Variants in AGPAT3 observed in about 807,000 individuals in gnomAD.
AGPAT3 encodes the protein 1-acyl-sn-glycerol-3-phosphate acyltransferase gamma.
AGPAT3 carries 5 observed loss-of-function variants against 47.3 expected under a neutral mutation model. The ratio of observed to expected loss-of-function variants is 0.11; its 90% CI spans 0.06 to 0.22. The LOEUF (loss-of-function observed/expected upper bound fraction) is 0.22. AGPAT3 is among the 10% of genes least tolerant of loss of function. The pLI, the probability that AGPAT3 is intolerant of heterozygous loss-of-function variation, is 1.00. For missense variants in AGPAT3, 315 were observed against 493.0 expected (o/e 0.64, Z 3.42); for synonymous variants, 212 against 208.3 (o/e 1.02, Z -0.15).
chr21:43,944,654 G>T (rs1259143863), intron 2 of AGPAT3, among the ~76,000 whole-genome samples: 1 of 152,248 alleles, frequency 6.6e-6, no homozygotes, highest in Non-Finnish European at 1.5e-5. Context: ...CAGGCAGGGG[G>T]ACGGCTGTGC....
rs2087297562 is a variant in AGPAT3 at position 43,932,781 on chromosome 21, G to C, written c.-48-26853G>C. Among the ~76,000 whole-genome samples, 1 of 152,206 alleles carries C rather than the reference G, an allele frequency of 6.6e-6. No individual in the cohort carries two copies. The highest frequency in any genetic ancestry group is 2.1e-4 in the South Asian group (1 of 4,828). On this transcript the variant is annotated intron_variant, in intron 2 of 9. Transcript: ENST00000291572. This position sits in a 1 kb window ranked among gnomAD's most constrained non-coding sequence, Gnocchi z 5.2. ...TTCTTTTGCTTCAGCCTCCCGAGTAGCTGGGATTACAGACGCCCGCCACCA... is the reference window on the plus strand; with the variant it reads ...TTCTTTTGCTTCAGCCTCCCGAGTACCTGGGATTACAGACGCCCGCCACCA...
intron 2 of AGPAT3, among the ~76,000 whole-genome samples, chr21:43,907,313 G>T (rs2146061489): frequency 6.6e-6 from 1 of 152,104 alleles, no homozygotes; most frequent in East Asian, 1.9e-4. Context: ...TTCGTTTCTT[G>T]ATCTGGGTGC....
intron 2 of AGPAT3, among the ~76,000 whole-genome samples, chr21:43,944,291 C>T (rs932297197): frequency 2.0e-5 from 3 of 152,256 alleles, no homozygotes; most frequent in African/African-American, 4.8e-5. Context: ...GAGTGGTTCC[C>T]GGGCTGGCCC....
chr21:43,883,975 T>C (rs2085909592), intron 1 of AGPAT3, among the ~76,000 whole-genome samples: 1 of 151,858 alleles, frequency 6.6e-6, no homozygotes, highest in Non-Finnish European at 1.5e-5. Context: ...AGTAATCCGC[T>C]TGCCTCAGCC....
intron 1 of AGPAT3, among the ~76,000 whole-genome samples, chr21:43,896,491 G>C (rs1207597502): frequency 3.9e-5 from 6 of 152,198 alleles, no homozygotes; most frequent in Non-Finnish European, 8.8e-5. Flanking sequence ...CTATACTAAG[G>C]GTCAGCAAAC....
At position 43,985,256 on chromosome 21, in the gene AGPAT3, G is replaced by A. The variant is rs1266493215; in HGVS notation, c.*2864G>A. 2.2e-6 allele frequency: 1 copy of A among 456,138 alleles called. No individual in the cohort carries two copies. The highest frequency in any genetic ancestry group is 4.4e-6 in the Non-Finnish European group (1 of 226,918). The allele number at this position is 456,138 out of a possible 1,614,324, so 28.3% of individuals were successfully genotyped here. On this transcript the variant is annotated 3_prime_UTR_variant, in exon 10 of 10. Transcript: ENST00000291572. Reference sequence around the variant, plus strand: ...GTGAGACACTGGTTGTCTGGTACTCGGCGACAGTGTACCAGACGCGCACCC... The same window carrying A: ...GTGAGACACTGGTTGTCTGGTACTCAGCGACAGTGTACCAGACGCGCACCC...
At chr21:43,937,750 C>A (rs2087496630) in intron 2 of AGPAT3, among the ~76,000 whole-genome samples, 1 of 152,116 alleles carries the variant, frequency 6.6e-6, no homozygotes, top group African/African-American at 2.4e-5. Context: ...TTTTTGCAAC[C>A]TTTTGTCAGG....
At position 43,932,634 on chromosome 21, in the gene AGPAT3, T is replaced by A. The variant is rs1275329859; in HGVS notation, c.-48-27000T>A. 1.2e-4 allele frequency among the ~76,000 whole-genome samples: 18 copies of A among 152,056 alleles called. No individual in the cohort carries two copies. On this transcript the variant is annotated intron_variant, in intron 2 of 9. Transcript: ENST00000291572. This position sits in a 1 kb window ranked among gnomAD's most constrained non-coding sequence, Gnocchi z 5.2. ...TTTAGATACATACCCAGAAGTGGGATTGCCGGACCTTATGGTAGTTCCTTT... is the reference window on the plus strand; with the variant it reads ...TTTAGATACATACCCAGAAGTGGGAATGCCGGACCTTATGGTAGTTCCTTT...
chr21:43,976,698 T>G (rs1209626216), intron 7 of AGPAT3, among the ~76,000 whole-genome samples: 2 of 152,226 alleles, frequency 1.3e-5, no homozygotes, highest in Non-Finnish European at 2.9e-5. Context: ...TTATATAAAT[T>G]AATAGCCTGA....
At chr21:43,869,958 G>T (rs2085586665) in intron 1 of AGPAT3, among the ~76,000 whole-genome samples, 1 of 152,180 alleles carries the variant, frequency 6.6e-6, no homozygotes, top group South Asian at 2.1e-4. Context: ...CTCCCACCTT[G>T]GCCTCCCCAG....
rs565838581 is a variant in AGPAT3 at position 43,908,741 on chromosome 21, C to T, written c.-49+4722C>T. ...TGCAGAGGATGCTCACTGATGAGGGCGAGGATCAAAGCCCGTGCTGCGTCA... is the reference window on the plus strand; with the variant it reads ...TGCAGAGGATGCTCACTGATGAGGGTGAGGATCAAAGCCCGTGCTGCGTCA... On this transcript the variant is annotated intron_variant, in intron 2 of 9. Coordinates refer to ENST00000291572, the MANE Select transcript of AGPAT3 (RefSeq NM_020132.5). This position sits in a 1 kb window ranked among gnomAD's most constrained non-coding sequence, Gnocchi z 4.9. Among the ~76,000 whole-genome samples the T allele has an allele frequency of 4.6e-5, 7 of 152,280 alleles. No individual in the cohort carries two copies. The highest frequency in any genetic ancestry group is 3.9e-4 in the East Asian group (2 of 5,172).
chr21:43,912,113 G>C (rs1006787162), intron 2 of AGPAT3, among the ~76,000 whole-genome samples: 3 of 152,372 alleles, frequency 2.0e-5, no homozygotes, highest in African/African-American at 4.8e-5. Flanking sequence ...GAGCATTGCC[G>C]TAAGTGTTCA....
intron 2 of AGPAT3, among the ~76,000 whole-genome samples, chr21:43,926,133 G>C (rs2087045382): frequency 1.3e-5 from 2 of 152,236 alleles, no homozygotes; most frequent in South Asian, 4.1e-4. Flanking sequence ...CAGTGGTACG[G>C]TGGCTGCGGC....
At position 43,970,493 on chromosome 21, in the gene AGPAT3, G is replaced by A. The variant is rs1026681024; in HGVS notation, c.511-160G>A. ...TGCAGACTGTGGCCCTAGAATAAAA[G>A]AACCTTTCAGTCATAACCCATGCTG... is the stretch of plus-strand genomic sequence containing the variant. On this transcript the variant is annotated intron_variant, in intron 5 of 9. Transcript: ENST00000291572. The surrounding 1 kb of genome is among the most constrained non-coding windows in gnomAD (Gnocchi z 5.8). Among the ~76,000 whole-genome samples the A allele has an allele frequency of 6.6e-6, 1 of 152,172 alleles. No homozygotes were observed. Among genetic ancestry groups the A allele is most frequent in the African/African-American group, 2.4e-5 (1 of 41,426 alleles).
At chr21:43,865,606 G>A (rs2085486847) in intron 1 of AGPAT3, among the ~76,000 whole-genome samples, 1 of 150,478 alleles carries the variant, frequency 6.6e-6, no homozygotes, top group Non-Finnish European at 1.5e-5. Context: ...GCCTGGTCCA[G>A]CGCGAGGCCC....
At position 43,970,775 on chromosome 21, in the gene AGPAT3, C is replaced by T; in HGVS notation, c.633C>T (p.Phe211=). Residue 211 remains phenylalanine (F), a synonymous_variant, in exon 6 of 10, where the codon TTC becomes TTT. Coordinates refer to ENST00000291572, the MANE Select transcript of AGPAT3 (RefSeq NM_020132.5). This position sits in a 1 kb window ranked among gnomAD's most constrained non-coding sequence, Gnocchi z 5.8. ...ACCTGCTGCCGCGGACCAAGGGCTT[C>T]ACCACCGCAGTCAAGTGCCTCCGGG... is the stretch of plus-strand genomic sequence containing the variant. ...KYHLLPRTKG[F]TTAVKCLRGT... is the part of the protein sequence containing the mutation. 1.2e-6 allele frequency: 2 copies of T among 1,600,072 alleles called. No homozygotes were observed. The highest frequency in any genetic ancestry group is 1.7e-6 in the Non-Finnish European group (2 of 1,170,146).
chr21:43,912,888 G>A (rs1054816716), intron 2 of AGPAT3, among the ~76,000 whole-genome samples: 13 of 152,356 alleles, frequency 8.5e-5, no homozygotes, highest in African/African-American at 2.2e-4. Flanking sequence ...TGTCCCTGAC[G>A]GTTGCTGCGG....
At chr21:43,907,759 A>G (rs1433854577) in intron 2 of AGPAT3, among the ~76,000 whole-genome samples, 1 of 152,176 alleles carries the variant, frequency 6.6e-6, no homozygotes, top group Non-Finnish European at 1.5e-5. Flanking sequence ...TAAGCTTCCT[A>G]AGAGCTTGCG....
At chr21:43,966,007 A>G (rs973811024) in intron 3 of AGPAT3, 2 of 152,212 alleles carry the variant, frequency 1.3e-5, no homozygotes, top group African/African-American at 4.8e-5. Context: ...AGTGAAGGAA[A>G]TGATAAAAGG....
Sources: gnomAD v4.1 joint callset for allele counts (sites outside exome capture counted in the v4.1 genomes callset) on GRCh38, gnomAD v4.1.1 for gene constraint, Gnocchi (gnomAD v3.1) non-coding constraint, MANE v1.5 for transcripts, NCBI Gene and HGNC (gene_info 2026-07-23, HGNC 2026-07-21) for gene names.